Variants in CCDC146 observed in about 807,000 individuals in gnomAD.
The protein encoded by CCDC146 is coiled-coil domain-containing protein 146.
Under a neutral mutation model 119.3 loss-of-function variants are expected in CCDC146, and 92 were observed. The ratio of observed to expected loss-of-function variants is 0.77; its 90% CI spans 0.65 to 0.92. CCDC146 has a LOEUF of 0.92. Ranked by LOEUF, CCDC146 falls within the 40% of genes least tolerant of loss-of-function variation. The pLI is 0.00. For synonymous variants in CCDC146, 372 were observed against 371.8 expected, an observed-to-expected ratio of 1.00 and a Z score of -0.01; for missense variants, 1,000 against 1,103.0, an observed-to-expected ratio of 0.91 and a Z score of 1.32.
At chr7:77,153,875 T>C (rs1280257332) in intron 1 of CCDC146, among the ~76,000 whole-genome samples, 1 of 152,014 alleles carries the variant, frequency 6.6e-6, no homozygotes, top group Non-Finnish European at 1.5e-5. Context: ...GGAGCCTTAC[T>C]AAAAATCACT....
chr7:77,273,506 T>TTTTATTTA (rs150662330), intron 9 of CCDC146, among the ~76,000 whole-genome samples, 188 bp from the exon 10 acceptor site: 16 of 149,736 alleles, frequency 1.1e-4, no homozygotes, highest in South Asian at 4.3e-4. Context: ...CAGCAGTGAA[T>TTTTATTTA]TTTATTTATT....
chr7:77,172,433 C>T (rs1791436673), intron 2 of CCDC146, among the ~76,000 whole-genome samples: 1 of 152,212 alleles, frequency 6.6e-6, no homozygotes, highest in Admixed American at 6.5e-5. Context: ...TTCCAAGGGT[C>T]CAGTTGCTTG....
At chr7:77,260,910 G>A (rs1793283690) in intron 8 of CCDC146, among the ~76,000 whole-genome samples, 1 of 152,130 alleles carries the variant, frequency 6.6e-6, no homozygotes, top group African/African-American at 2.4e-5. Flanking sequence ...TTACAGGCAT[G>A]AGCCACCGCG....
intron 1 of CCDC146, among the ~76,000 whole-genome samples, chr7:77,138,315 A>C (rs1790887774): frequency 6.8e-6 from 1 of 147,372 alleles, no homozygotes; most frequent in Non-Finnish European, 1.5e-5. Flanking sequence ...GAGGTATTGG[A>C]AGAACTGGAC....
chr7:77,201,176 C>G (rs1257105460), intron 2 of CCDC146, among the ~76,000 whole-genome samples: 1 of 152,156 alleles, frequency 6.6e-6, no homozygotes, highest in Non-Finnish European at 1.5e-5. Flanking sequence ...CTTTAATGAG[C>G]CTTTGTTCCT....
In CCDC146 at chr7:77,176,731, G is replaced by A. The variant is rs187048303; in HGVS notation, c.156+8907G>A. The stretch of plus-strand genomic sequence containing the variant: ...CCATTATTTACCTAATTTCATACTT[G>A]TAAAGTTATCTTTTTTTATGAGGAT... On this transcript the variant is annotated intron_variant, in intron 2 of 18. Coordinates refer to ENST00000285871, the MANE Select transcript of CCDC146 (RefSeq NM_020879.3). Among the ~76,000 whole-genome samples, 302 of 149,956 alleles carry A rather than the reference G, an allele frequency of 2.0e-3. 1 individual carries two copies. Among genetic ancestry groups the A allele is most frequent in the African/African-American group, 7.0e-3 (290 of 41,292 alleles).
At chr7:77,286,656 T>C in intron 15 of CCDC146, 142 bp from the exon 16 acceptor site, 2 of 715,970 alleles carry the variant, frequency 2.8e-6, no homozygotes, top group Non-Finnish European at 4.8e-6. Flanking sequence ...TCCCAGCTGA[T>C]GGGGTGTTAA....
At chr7:77,246,285 A>T (rs1332725307) in intron 4 of CCDC146, 2 of 152,188 alleles carry the variant, frequency 1.3e-5, no homozygotes, top group Non-Finnish European at 2.9e-5. Flanking sequence ...TTGTTTATAA[A>T]CCTACCTTCT....
At chr7:77,182,959 A>G (rs1436159108) in intron 2 of CCDC146, among the ~76,000 whole-genome samples, 2 of 152,106 alleles carry the variant, frequency 1.3e-5, no homozygotes, top group East Asian at 3.9e-4. Flanking sequence ...TAATTTGTGA[A>G]CTGAATAAAA....
chr7:77,242,259 G>A (rs187369505), intron 4 of CCDC146: 207 of 410,062 alleles, frequency 5.0e-4, no homozygotes, highest in Middle Eastern at 1.0e-3. Context: ...ACCAGAGCAC[G>A]CATCTGCATG....
At position 77,143,062 on chromosome 7, in the gene CCDC146, C is replaced by T. The variant is rs547255281; in HGVS notation, c.-12+20330C>T. ...TAAAAGTGTTCCTATTTCTACACAT[C>T]CTCTCCAGCACCTGTTGTTTCCTGA... On this transcript the variant is annotated intron_variant, in intron 1 of 18. Coordinates refer to ENST00000285871, the MANE Select transcript of CCDC146 (RefSeq NM_020879.3). Among the ~76,000 whole-genome samples the T allele has an allele frequency of 2.2e-4, 34 of 151,956 alleles. 2 individuals are homozygous for T. The highest frequency in any genetic ancestry group is 7.0e-4 in the African/African-American group (29 of 41,222).
intron 1 of CCDC146, among the ~76,000 whole-genome samples, chr7:77,162,660 T>G (rs950900573): frequency 1.3e-5 from 2 of 152,164 alleles, no homozygotes; most frequent in Non-Finnish European, 2.9e-5. Context: ...GATTTTTTTT[T>G]CTATTCCTGT....
At chr7:77,171,423 A>G (rs1389769321) in intron 2 of CCDC146, among the ~76,000 whole-genome samples, 1 of 152,058 alleles carries the variant, frequency 6.6e-6, no homozygotes, top group Non-Finnish European at 1.5e-5. Context: ...CCAATCCACA[A>G]CTCCTGTGAG....
chr7:77,168,051 A>T (rs1791364320), intron 2 of CCDC146, among the ~76,000 whole-genome samples: 1 of 152,220 alleles, frequency 6.6e-6, no homozygotes, highest in Admixed American at 6.5e-5. Context: ...TCGTAGCATA[A>T]GTATTTGCAC....
chr7:77,220,799 GTAAC>G (rs1334060414), intron 2 of CCDC146, among the ~76,000 whole-genome samples: 1 of 152,192 alleles, frequency 6.6e-6, no homozygotes, highest in Admixed American at 6.5e-5. Flanking sequence ...TTTCTGTTGA[GTAAC>G]TATAGGCTGA....
chr7:77,261,891 G>A (rs1003963005), intron 8 of CCDC146, among the ~76,000 whole-genome samples: 1 of 152,166 alleles, frequency 6.6e-6, no homozygotes, highest in Non-Finnish European at 1.5e-5. Context: ...ATTGTGAATA[G>A]CACTGTGATG....
intron 2 of CCDC146, among the ~76,000 whole-genome samples, chr7:77,225,662 G>T (rs540577724): frequency 1.4e-4 from 22 of 152,108 alleles, no homozygotes; most frequent in Non-Finnish European, 2.9e-4. Flanking sequence ...AAGAAGTAGG[G>T]CCGTGCGTGG....
At chr7:77,285,491 C>T (rs1665661059) in intron 15 of CCDC146, among the ~76,000 whole-genome samples, 1 of 152,118 alleles carries the variant, frequency 6.6e-6, no homozygotes, top group Admixed American at 6.5e-5. Flanking sequence ...TTTAAAAATG[C>T]TACCTGTATC....
intron 2 of CCDC146, among the ~76,000 whole-genome samples, chr7:77,176,703 C>T (rs1791505326): frequency 6.6e-6 from 1 of 152,116 alleles, no homozygotes; most frequent in African/African-American, 2.4e-5. Context: ...AAGAAAGATG[C>T]TGCCATTATT....
Sources: allele counts gnomAD v4.1 joint callset (sites outside exome capture counted in the v4.1 genomes callset), GRCh38; gene constraint gnomAD v4.1.1; transcripts MANE v1.5; gene names NCBI Gene and HGNC (gene_info 2026-07-23, HGNC 2026-07-21).